GLCCI1: variants seen among roughly 807,000 people sequenced by gnomAD.
GLCCI1 encodes the protein glucocorticoid-induced transcript 1 protein.
A neutral mutation model predicts 52.2 loss-of-function variants in GLCCI1; 24 were observed. The ratio of observed to expected loss-of-function variants is 0.46; its 90% CI spans 0.33 to 0.65. The LOEUF (loss-of-function observed/expected upper bound fraction) is 0.65, where lower values mean the gene tolerates loss of function less well. Among genes scored for constraint, GLCCI1 ranks in the 30% least tolerant of loss-of-function variants. The probability of loss-of-function intolerance (pLI) is 0.02; values close to 1 mark genes in which losing one functional copy is unlikely to be tolerated. For synonymous variants in GLCCI1, 310 were observed against 276.5 expected (o/e 1.12, Z -1.20); for missense variants, 704 against 701.5 (o/e 1.00, Z -0.04).
chr7:7,971,828 G>A (rs1195810374), intron 1 of GLCCI1, among the ~76,000 whole-genome samples: 1 of 152,212 alleles, frequency 6.6e-6, no homozygotes, highest in Admixed American at 6.5e-5. Flanking sequence ...GAGTCTGGTT[G>A]TGCAGCAGAC....
Position 8,067,671 on chromosome 7 carries a change from G to C in GLCCI1, c.967-3250G>C, listed in dbSNP as rs141206364. ...GATAGCCACTTCTCGCTTGGAATAG[G>C]CTCCAATCTCTTTTGGCTTGCCAGA... On this transcript the variant is annotated intron_variant, in intron 5 of 7. Transcript: ENST00000223145. 9.1e-4 allele frequency among the ~76,000 whole-genome samples: 139 copies of C among 152,098 alleles called. 1 individual carries two copies. The highest frequency in any genetic ancestry group is 3.3e-3 in the African/African-American group (136 of 41,528).
Position 8,070,779 on chromosome 7 carries a change from G to C in GLCCI1, c.967-142G>C, listed in dbSNP as rs1213871414. 11 of 661,812 alleles carry C rather than the reference G, an allele frequency of 1.7e-5. No homozygotes were observed. The Admixed American group carries it at 2.6e-4, about 16-fold the overall frequency. The allele number at this position is 661,812 out of a possible 1,614,324, so 41.0% of individuals were successfully genotyped here. A position where few individuals can be genotyped will look rare whatever the true frequency, so the allele number is the denominator to read the frequency against. On this transcript the variant is annotated intron_variant, in intron 5 of 7. Transcript: ENST00000223145. Reference sequence around the variant, plus strand: ...GTAACATACGCAGAAATTAGCTTAAGACACAAGCTTGGTCTTTAGCCTTTG... The same window carrying C: ...GTAACATACGCAGAAATTAGCTTAACACACAAGCTTGGTCTTTAGCCTTTG...
chr7:8,072,421 A>G (rs1782783142), intron 6 of GLCCI1, among the ~76,000 whole-genome samples: 1 of 152,142 alleles, frequency 6.6e-6, no homozygotes, highest in Non-Finnish European at 1.5e-5. Context: ...CATTAAGGAT[A>G]TATTGAATAT....
At chr7:8,023,106 C>T (rs1027102594) in intron 3 of GLCCI1, among the ~76,000 whole-genome samples, 2 of 152,214 alleles carry the variant, frequency 1.3e-5, no homozygotes, top group African/African-American at 4.8e-5. Context: ...AGCTCCACCT[C>T]CCAGGTTCAC....
intron 5 of GLCCI1, among the ~76,000 whole-genome samples, chr7:8,061,622 T>C (rs1584010828): frequency 6.6e-6 from 1 of 151,206 alleles, no homozygotes; most frequent in East Asian, 1.9e-4. Flanking sequence ...AAGGAACTCT[T>C]TGGACATCAT....
chr7:8,079,721 TGG>T (rs1562453419), intron 6 of GLCCI1, among the ~76,000 whole-genome samples: 1 of 151,484 alleles, frequency 6.6e-6, no homozygotes, highest in East Asian at 1.9e-4. Flanking sequence ...TTCATACTTA[TGG>T]AATGAGAAGT....
chr7:8,061,148 G>A (rs1782505819), intron 5 of GLCCI1, among the ~76,000 whole-genome samples: 1 of 148,436 alleles, frequency 6.7e-6, no homozygotes, highest in South Asian at 2.1e-4. Context: ...CACCCAGGCT[G>A]GAGTGCAGTG....
At chr7:8,004,226 G>A (rs1309722850) in intron 2 of GLCCI1, 167 bp downstream of exon 2, 1 of 606,512 alleles carries the variant, frequency 1.6e-6, no homozygotes, top group East Asian at 2.8e-5. Context: ...ATTGTTTTTT[G>A]TCATCTGGCT....
chr7:8,045,615 A>G (rs889753749), intron 3 of GLCCI1, among the ~76,000 whole-genome samples: 1 of 152,188 alleles, frequency 6.6e-6, no homozygotes, highest in Non-Finnish European at 1.5e-5. Context: ...ACCCGAAATA[A>G]TTCCACCTGA....
At chr7:8,073,120 A>G (rs966846701) in intron 6 of GLCCI1, among the ~76,000 whole-genome samples, 7 of 152,194 alleles carry the variant, frequency 4.6e-5, no homozygotes, top group African/African-American at 1.4e-4. Context: ...ACATTGTAAC[A>G]TAGAAGTTAA....
intron 5 of GLCCI1, chr7:8,070,015 CAAAT>C (rs1411290125): frequency 1.3e-5 from 2 of 152,156 alleles, no homozygotes; most frequent in Non-Finnish European, 2.9e-5. Context: ...TGTTAGCACA[CAAAT>C]GAAGAATATG....
At chr7:8,072,358 C>A (rs1056663158) in intron 6 of GLCCI1, among the ~76,000 whole-genome samples, 5 of 152,084 alleles carry the variant, frequency 3.3e-5, no homozygotes, top group African/African-American at 1.2e-4. Flanking sequence ...TAACAGTTCT[C>A]CCCTTTCTTG....
intron 3 of GLCCI1, among the ~76,000 whole-genome samples, chr7:8,043,842 GGGT>G (rs1782057979): frequency 6.6e-6 from 1 of 152,096 alleles, no homozygotes; most frequent in African/African-American, 2.4e-5. Flanking sequence ...GAGAGTACAT[GGGT>G]GAAGACCGAA....
Position 7,969,263 on chromosome 7 carries a change from C to T in GLCCI1, c.-88C>T. The T allele has an allele frequency of 1.6e-6, 2 of 1,228,544 alleles. No individual in the cohort carries two copies. The highest frequency in any genetic ancestry group is 3.7e-5 in the South Asian group (2 of 54,470). The allele number at this position is 1,228,544 out of a possible 1,614,324, so 76.1% of individuals were successfully genotyped here. A position where few individuals can be genotyped will look rare whatever the true frequency, so the allele number is the denominator to read the frequency against. On this transcript the variant is annotated 5_prime_UTR_variant, in exon 1 of 8. Coordinates refer to ENST00000223145, the MANE Select transcript of GLCCI1 (RefSeq NM_138426.4). This position sits in a 1 kb window ranked among gnomAD's most constrained non-coding sequence, Gnocchi z 4.9. Reference sequence around the variant, plus strand: ...CCCCTCCCCCTTACACACTCGCACGCACTATCGCGCCGGCTCCCACACGCT... The same window carrying T: ...CCCCTCCCCCTTACACACTCGCACGTACTATCGCGCCGGCTCCCACACGCT...
chr7:8,078,233 C>G (rs1782918101), intron 6 of GLCCI1, among the ~76,000 whole-genome samples: 1 of 122,664 alleles, frequency 8.2e-6, no homozygotes, highest in African/African-American at 3.2e-5. Context: ...AAAAAAAAGG[C>G]CACTATTTCA....
intron 6 of GLCCI1, among the ~76,000 whole-genome samples, chr7:8,071,863 A>G (rs1376627437): frequency 1.3e-5 from 2 of 152,234 alleles, no homozygotes; most frequent in East Asian, 1.9e-4. Flanking sequence ...GCTTGTCACC[A>G]TAGAGAAATA....
chr7:8,028,827 A>G (rs1306695949), intron 3 of GLCCI1, among the ~76,000 whole-genome samples: 1 of 152,190 alleles, frequency 6.6e-6, no homozygotes, highest in Non-Finnish European at 1.5e-5. Context: ...TTGAACAACT[A>G]TATGCCAATA....
chr7:7,988,097 T>C (rs556722381), intron 1 of GLCCI1, among the ~76,000 whole-genome samples: 1 of 152,250 alleles, frequency 6.6e-6, no homozygotes, highest in Admixed American at 6.5e-5. Flanking sequence ...GTTTGGAATA[T>C]GAGAATATAG....
intron 1 of GLCCI1, chr7:7,981,851 A>G (rs776685892): frequency 1.1e-5 from 5 of 440,596 alleles, no homozygotes; most frequent in African/African-American, 1.0e-4. Context: ...ATAATGTTGT[A>G]CTAGATGAGC....
Sources: gnomAD v4.1 joint callset for allele counts (sites outside exome capture counted in the v4.1 genomes callset) on GRCh38, gnomAD v4.1.1 for gene constraint, Gnocchi (gnomAD v3.1) non-coding constraint, MANE v1.5 for transcripts, NCBI Gene and HGNC (gene_info 2026-07-23, HGNC 2026-07-21) for gene names.